The following CDH22 variants were observed in gnomAD, a reference collection of about 807,000 sequenced individuals.
CDH22 encodes cadherin 22, also known as cadherin-22.
A neutral mutation model predicts 58.4 loss-of-function variants in CDH22; 30 were observed. That is an observed-to-expected ratio of 0.51 (90% CI 0.38 to 0.70). CDH22 has a LOEUF of 0.70. Among genes scored for constraint, CDH22 ranks in the 30% least tolerant of loss-of-function variants. The pLI is 0.00. For missense variants in CDH22, 1,014 were observed against 1,233.9 expected, an observed-to-expected ratio of 0.82 and a Z score of 2.67; for synonymous variants, 513 against 558.2, an observed-to-expected ratio of 0.92 and a Z score of 1.14.
intron 7 of CDH22, among the ~76,000 whole-genome samples, chr20:46,202,611 C>G (rs1030732813): frequency 1.3e-5 from 2 of 152,174 alleles, no homozygotes; most frequent in Non-Finnish European, 2.9e-5. Context: ...CCTCGGCCTC[C>G]CAAAGTGCTG....
chr20:46,301,763 A>G (rs2086653192), intron 1 of CDH22, among the ~76,000 whole-genome samples: 1 of 152,120 alleles, frequency 6.6e-6, no homozygotes, highest in Non-Finnish European at 1.5e-5. Flanking sequence ...GTGAACCGAG[A>G]TTGCGCCCTT....
intron 1 of CDH22, among the ~76,000 whole-genome samples, chr20:46,295,400 C>T (rs1016706742): frequency 1.3e-4 from 20 of 152,210 alleles, no homozygotes; most frequent in African/African-American, 4.8e-4. Context: ...TCCCGAATCC[C>T]TCATCACATT....
intron 3 of CDH22, among the ~76,000 whole-genome samples, chr20:46,234,364 C>T (rs2086239792): frequency 6.6e-6 from 1 of 152,230 alleles, no homozygotes; most frequent in Admixed American, 6.5e-5. Context: ...TCAGCTCTTA[C>T]TGTGGAAGCT....
chr20:46,232,046 G>A (rs1383352484), intron 3 of CDH22, among the ~76,000 whole-genome samples: 4 of 152,120 alleles, frequency 2.6e-5, no homozygotes, highest in Non-Finnish European at 5.9e-5. Flanking sequence ...GAAGACCCCT[G>A]GACACCAGCA....
intron 1 of CDH22, among the ~76,000 whole-genome samples, chr20:46,253,665 G>A (rs1033910115): frequency 3.3e-5 from 5 of 152,182 alleles, no homozygotes; most frequent in Admixed American, 3.3e-4. Flanking sequence ...TGAGACTGGA[G>A]TTATGGGTGA....
In CDH22 at chr20:46,210,123, T is replaced by C; in HGVS notation, c.1286+184A>G. On this transcript the variant is annotated intron_variant, in intron 7 of 11. Transcript: ENST00000537909. This position sits in a 1 kb window ranked among gnomAD's most constrained non-coding sequence, Gnocchi z 4.5. ...TTGACTGTTCTCACATCTGCTTCCT[T>C]GGCTCTTTGGCTCCGTGCCTGTTTC... 3 of 540,986 alleles carry C rather than the reference T, an allele frequency of 5.5e-6. No homozygotes were observed. Among genetic ancestry groups the C allele is most frequent in the Non-Finnish European group, 9.0e-6 (3 of 331,770 alleles). 33.5% of individuals were successfully genotyped at this position (540,986 alleles called of 1,614,324 possible).
intron 2 of CDH22, among the ~76,000 whole-genome samples, chr20:46,248,355 T>A (rs1332404162): frequency 6.6e-6 from 1 of 152,158 alleles, no homozygotes; most frequent in Non-Finnish European, 1.5e-5. Flanking sequence ...ACAGCAAGGC[T>A]GAAGTGCCTG....
intron 7 of CDH22, among the ~76,000 whole-genome samples, chr20:46,209,244 G>T (rs1380344948): frequency 6.6e-6 from 1 of 152,186 alleles, no homozygotes; most frequent in Non-Finnish European, 1.5e-5. Flanking sequence ...AACTATGGGG[G>T]CTATTAGGGC....
At chr20:46,223,614 TTTTCTTTCTTTCTTTTTTC>T (rs1175638382) in intron 4 of CDH22, among the ~76,000 whole-genome samples, 2,783 of 149,086 alleles carry the variant, frequency 0.019, 90 homozygotes, top group African/African-American at 0.068. Context: ...ATTTCTTTCT[TTTTCTTTCTTTCTTTTTTC>T]TTTCTTTCTT....
At chr20:46,237,645 C>G (rs77855363) in intron 3 of CDH22, among the ~76,000 whole-genome samples, 28 of 152,272 alleles carry the variant, frequency 1.8e-4, no homozygotes, top group Non-Finnish European at 2.6e-4. Context: ...GAGTCCCCCC[C>G]ACTCCCGACA....
At chr20:46,227,768 C>A (rs145642766) in intron 3 of CDH22, 141 bp from the exon 4 acceptor site, 2 of 1,234,414 alleles carry the variant, frequency 1.6e-6, no homozygotes, top group East Asian at 5.1e-5. Context: ...CCCTCACGGT[C>A]CCCATCCCCA....
At chr20:46,211,130 A>G (rs1156813010) in intron 6 of CDH22, among the ~76,000 whole-genome samples, 1 of 152,188 alleles carries the variant, frequency 6.6e-6, no homozygotes, top group Non-Finnish European at 1.5e-5. Flanking sequence ...AGATCTGGCT[A>G]AATCCATGCT....
At chr20:46,242,700 CTATT>C (rs2086300826) in intron 2 of CDH22, among the ~76,000 whole-genome samples, 1 of 152,124 alleles carries the variant, frequency 6.6e-6, no homozygotes, top group Non-Finnish European at 1.5e-5. Flanking sequence ...AGGAGAGGGA[CTATT>C]TACTGCAGGT....
chr20:46,293,274 A>C (rs1210154905), intron 1 of CDH22, among the ~76,000 whole-genome samples: 1 of 152,116 alleles, frequency 6.6e-6, no homozygotes, highest in African/African-American at 2.4e-5. Context: ...CAGCAACCAG[A>C]CACTTTATAA....
chr20:46,188,984 C>A (rs112271402), intron 8 of CDH22, among the ~76,000 whole-genome samples: 1 of 152,040 alleles, frequency 6.6e-6, no homozygotes, highest in Non-Finnish European at 1.5e-5. Flanking sequence ...AAGAGTTTCA[C>A]GGGGAGTGGG....
chr20:46,211,869 T>A (rs1050773044), intron 6 of CDH22, among the ~76,000 whole-genome samples: 3 of 151,656 alleles, frequency 2.0e-5, no homozygotes, highest in Admixed American at 6.6e-5. Context: ...ATGCATGGCC[T>A]TGGGAAAGTT....
intron 7 of CDH22, among the ~76,000 whole-genome samples, chr20:46,208,529 T>C (rs1340943485): frequency 6.6e-6 from 1 of 152,184 alleles, no homozygotes; most frequent in East Asian, 1.9e-4. Flanking sequence ...TCTACATCTC[T>C]GTGAGTCTGT....
At chr20:46,233,735 GC>G (rs1310498306) in intron 3 of CDH22, among the ~76,000 whole-genome samples, 2 of 152,210 alleles carry the variant, frequency 1.3e-5, no homozygotes, top group Non-Finnish European at 2.9e-5. Flanking sequence ...GGGCCATGGG[GC>G]CAACTCCTGA....
At chr20:46,207,508 A>G (rs1371129343) in intron 7 of CDH22, among the ~76,000 whole-genome samples, 2 of 152,192 alleles carry the variant, frequency 1.3e-5, no homozygotes, top group African/African-American at 2.4e-5. Flanking sequence ...CCAGAGGCCA[A>G]GGGGGTTGTT....
Sources: gnomAD v4.1 joint callset for allele counts (sites outside exome capture counted in the v4.1 genomes callset) on GRCh38, gnomAD v4.1.1 for gene constraint, Gnocchi (gnomAD v3.1) non-coding constraint, MANE v1.5 for transcripts, NCBI Gene and HGNC (gene_info 2026-07-23, HGNC 2026-07-21) for gene names.